Variants in CAST observed in about 807,000 individuals in gnomAD.
The protein encoded by CAST is calpastatin.
In CAST, 76 loss-of-function variants were observed where a neutral mutation model predicts 119.6. That is an observed-to-expected ratio of 0.64 (90% CI 0.53 to 0.77). CAST has a LOEUF of 0.77. Among genes scored for constraint, CAST ranks in the 30% least tolerant of loss-of-function variants. CAST has a pLI of 0.00. For missense variants in CAST, 953 were observed against 946.5 expected (o/e 1.01, Z -0.09); for synonymous variants, 319 against 331.6 (o/e 0.96, Z 0.41).
chr5:96,168,885 T>C, the CAST span, among the ~76,000 whole-genome samples: 2 of 152,022 alleles, frequency 1.3e-5, no homozygotes, highest in Non-Finnish European at 2.9e-5. Flanking sequence ...AAAATAGATT[T>C]TGAAAGTTAT....
intron 12 of CAST, 73 bp from the exon 13 acceptor site, chr5:96,740,672 C>CG: frequency 4.7e-6 from 5 of 1,053,510 alleles, no homozygotes; most frequent in Non-Finnish European, 7.4e-6. Flanking sequence ...CAACCCACAA[C>CG]GGGCAATACA....
At chr5:96,128,669 G>T in the CAST span, among the ~76,000 whole-genome samples, 3 of 152,040 alleles carry the variant, frequency 2.0e-5, no homozygotes, top group African/African-American at 7.2e-5. Flanking sequence ...CCTGAGAGTG[G>T]TACATAGGTA....
At chr5:96,349,169 G>A in the CAST span, among the ~76,000 whole-genome samples, 2 of 50,740 alleles carry the variant, frequency 3.9e-5, no homozygotes, top group Admixed American at 4.5e-4. Flanking sequence ...CTAGTTATCA[G>A]TATAAACTGT....
At chr5:96,634,525 G>A (rs1046014661) in intron 1 of CAST, among the ~76,000 whole-genome samples, 1 of 152,064 alleles carries the variant, frequency 6.6e-6, no homozygotes, top group Non-Finnish European at 1.5e-5. Context: ...TTGACATAGG[G>A]GACCAGAGAA....
chr5:96,669,129 A>G (rs1190169749), intron 1 of CAST, among the ~76,000 whole-genome samples: 1 of 152,270 alleles, frequency 6.6e-6, no homozygotes, highest in African/African-American at 2.4e-5. Flanking sequence ...GAAGTGGAAC[A>G]AGGAATCCAC....
At chr5:96,032,182 G>C in the CAST span, among the ~76,000 whole-genome samples, 2 of 152,126 alleles carry the variant, frequency 1.3e-5, no homozygotes, top group African/African-American at 4.8e-5. Context: ...AATAACAGGA[G>C]GCAGGATCAC....
chr5:96,497,067 G>C, the CAST span, among the ~76,000 whole-genome samples: 1 of 133,886 alleles, frequency 7.5e-6, no homozygotes, highest in African/African-American at 2.9e-5. Flanking sequence ...GTGTCCATGT[G>C]TTCTCATTGT....
the CAST span, among the ~76,000 whole-genome samples, chr5:96,039,460 C>T: frequency 6.6e-6 from 1 of 152,106 alleles, no homozygotes; most frequent in Non-Finnish European, 1.5e-5. Context: ...TGCCTATGTC[C>T]TGAATGTTAT....
the CAST span, among the ~76,000 whole-genome samples, chr5:96,248,203 C>G: frequency 6.6e-6 from 1 of 152,210 alleles, no homozygotes; most frequent in Non-Finnish European, 1.5e-5. Flanking sequence ...CCCCTTTGCT[C>G]TTTGTCCCTC....
At chr5:96,433,122 C>T in the CAST span, 3 of 1,323,772 alleles carry the variant, frequency 2.3e-6, no homozygotes, top group Middle Eastern at 2.4e-4. Context: ...GACAGACTCC[C>T]CCTTCCCACC....
chr5:96,620,719 A>T (rs1299088668), intron 1 of CAST, among the ~76,000 whole-genome samples: 1 of 152,262 alleles, frequency 6.6e-6, no homozygotes. Context: ...TATCTTCGAC[A>T]GTGAACAAGA....
intron 1 of CAST, among the ~76,000 whole-genome samples, chr5:96,610,927 C>T (rs537225575): frequency 1.5e-4 from 23 of 152,226 alleles, no homozygotes; most frequent in African/African-American, 5.5e-4. Flanking sequence ...AATAGCCACA[C>T]ACATACACAC....
At chr5:96,539,389 G>A (rs1396075155) in intron 1 of CAST, among the ~76,000 whole-genome samples, 1 of 152,122 alleles carries the variant, frequency 6.6e-6, no homozygotes, top group Non-Finnish European at 1.5e-5. Context: ...TTTGTGAAGT[G>A]ACAGTTTTTA....
At chr5:96,469,890 ACACACACAT>A in the CAST span, among the ~76,000 whole-genome samples, 1 of 106,064 alleles carries the variant, frequency 9.4e-6, no homozygotes, top group Non-Finnish European at 2.1e-5. Context: ...ATATATATAT[ACACACACAT>A]ATATATAATG....
intron 22 of CAST, among the ~76,000 whole-genome samples, chr5:96,756,204 C>A (rs928629697): frequency 1.8e-4 from 27 of 152,318 alleles, no homozygotes; most frequent in African/African-American, 6.3e-4. Flanking sequence ...GGGCAGGCCA[C>A]AACCTCCCCT....
At chr5:96,610,844 C>G (rs924760772) in intron 1 of CAST, among the ~76,000 whole-genome samples, 1 of 152,056 alleles carries the variant, frequency 6.6e-6, no homozygotes, top group African/African-American at 2.4e-5. Context: ...AATCAATGTA[C>G]AAAAATCTGT....
the CAST span, among the ~76,000 whole-genome samples, chr5:96,249,684 A>G: frequency 2.0e-5 from 3 of 152,212 alleles, no homozygotes; most frequent in Non-Finnish European, 4.4e-5. Context: ...AACACAATAA[A>G]CACAGCAAAG....
At chr5:95,989,349 C>T in the CAST span, among the ~76,000 whole-genome samples, 1 of 152,126 alleles carries the variant, frequency 6.6e-6, no homozygotes, top group Non-Finnish European at 1.5e-5. Flanking sequence ...GTTTCACACT[C>T]TTTTGTTTTG....
the CAST span, among the ~76,000 whole-genome samples, chr5:96,030,787 T>C: frequency 6.6e-6 from 1 of 152,184 alleles, no homozygotes; most frequent in Non-Finnish European, 1.5e-5. Context: ...AGCTCATGCC[T>C]GTAATCCTAG....
Sources: gnomAD v4.1 joint callset for allele counts (sites outside exome capture counted in the v4.1 genomes callset) on GRCh38, gnomAD v4.1.1 for gene constraint, MANE v1.5 for transcripts, NCBI Gene and HGNC (gene_info 2026-07-23, HGNC 2026-07-21) for gene names.